RMP64: variants seen among roughly 807,000 people sequenced by gnomAD.
RMP64 encodes nucleolus and neural progenitor protein.
the RMP64 span, chr3:113,012,872 A>C: frequency 5.2e-6 from 5 of 965,304 alleles, no homozygotes; most frequent in South Asian, 3.9e-5. Flanking sequence ...GTAAGTTACA[A>C]TCATGAATGA....
At chr3:113,011,817 A>G in the RMP64 span, among the ~76,000 whole-genome samples, 1 of 152,220 alleles carries the variant, frequency 6.6e-6, no homozygotes, top group African/African-American at 2.4e-5. Flanking sequence ...ATTACAGAAG[A>G]GAGTATCAAA....
the RMP64 span, among the ~76,000 whole-genome samples, chr3:113,015,724 T>C: frequency 6.6e-6 from 1 of 152,242 alleles, no homozygotes; most frequent in South Asian, 2.1e-4. Flanking sequence ...GCTGCAGCAG[T>C]AACATAAGCA....
chr3:113,018,459 A>C, the RMP64 span, among the ~76,000 whole-genome samples: 4 of 152,330 alleles, frequency 2.6e-5, no homozygotes, highest in South Asian at 8.3e-4. Context: ...ATAATCTGTA[A>C]AGTGTGTAGG....
the RMP64 span, chr3:113,008,504 T>C: frequency 1.6e-6 from 2 of 1,271,514 alleles, no homozygotes; most frequent in Non-Finnish European, 2.2e-6. Flanking sequence ...CAAGGAAAGC[T>C]AGCTCACAAT....
the RMP64 span, among the ~76,000 whole-genome samples, chr3:113,016,352 A>C: frequency 6.6e-6 from 1 of 152,206 alleles, no homozygotes; most frequent in Non-Finnish European, 1.5e-5. Flanking sequence ...ACAAGGTCTA[A>C]GAAAGGAAAA....
the RMP64 span, among the ~76,000 whole-genome samples, chr3:113,016,838 T>G: frequency 6.6e-6 from 1 of 152,210 alleles, no homozygotes; most frequent in Non-Finnish European, 1.5e-5. Context: ...CAGAAAATAC[T>G]TGCAGAATTA....
the RMP64 span, chr3:113,019,504 G>T: frequency 6.5e-7 from 1 of 1,537,576 alleles, no homozygotes; most frequent in Non-Finnish European, 9.0e-7. Context: ...GGCCTCCCCC[G>T]GAAACGTTCC....
At chr3:113,014,033 C>G in the RMP64 span, 3 of 1,603,778 alleles carry the variant, frequency 1.9e-6, no homozygotes, top group South Asian at 3.3e-5. Context: ...ATTGCTCAAC[C>G]TGAAAGAAGA....
chr3:113,010,398 G>A, the RMP64 span: 17 of 482,068 alleles, frequency 3.5e-5, no homozygotes, highest in African/African-American at 1.6e-4. Context: ...CAGATCTTAC[G>A]GTTACTTTAA....
chr3:113,016,224 A>G, the RMP64 span, among the ~76,000 whole-genome samples: 1 of 152,214 alleles, frequency 6.6e-6, no homozygotes, highest in Non-Finnish European at 1.5e-5. Flanking sequence ...GAGAACGACT[A>G]AAAATCAAAG....
At chr3:113,003,516 C>T in the RMP64 span, 4 of 152,050 alleles carry the variant, frequency 2.6e-5, no homozygotes, top group Non-Finnish European at 5.9e-5. Context: ...TATAAACATA[C>T]AAATTGTCAT....
chr3:113,013,528 T>C, the RMP64 span: 1 of 848,992 alleles, frequency 1.2e-6, no homozygotes, highest in South Asian at 1.9e-5. Context: ...AACAAAGAGA[T>C]GCATAGGGCA....
At chr3:113,014,369 T>C in the RMP64 span, 651 of 193,762 alleles carry the variant, frequency 3.4e-3, 7 homozygotes, top group African/African-American at 0.015. Flanking sequence ...TTTTTTTTTT[T>C]TTTTCAGATG....
At chr3:113,012,828 AG>A in the RMP64 span, 1 of 1,487,244 alleles carries the variant, frequency 6.7e-7, no homozygotes, top group South Asian at 1.1e-5. Context: ...AATCAATTTA[AG>A]GTAGAAAACA....
chr3:113,008,096 A>C, the RMP64 span: 1 of 1,401,144 alleles, frequency 7.1e-7, no homozygotes, highest in Non-Finnish European at 9.9e-7. Flanking sequence ...CATTTTAAAG[A>C]AAAGTGACCT....
the RMP64 span, chr3:113,008,947 C>T: frequency 6.5e-6 from 1 of 153,242 alleles, no homozygotes; most frequent in Non-Finnish European, 1.5e-5. Context: ...GGCCCCTCTT[C>T]GCTACACCAC....
the RMP64 span, chr3:113,010,933 G>T: frequency 8.0e-6 from 8 of 1,001,816 alleles, no homozygotes; most frequent in Non-Finnish European, 1.2e-5. Context: ...TCAAAATTAA[G>T]ATGTGAGATG....
the RMP64 span, chr3:113,011,044 C>A: frequency 3.2e-6 from 5 of 1,578,976 alleles, no homozygotes; most frequent in Non-Finnish European, 4.3e-6. Flanking sequence ...AAGCAAATTA[C>A]CTTTGAAGAC....
chr3:113,010,673 G>A, the RMP64 span: 1 of 1,613,654 alleles, frequency 6.2e-7, no homozygotes. Flanking sequence ...GCTGGTTGCA[G>A]AAAGCCCTCA....
Sources: allele counts gnomAD v4.1 joint callset (sites outside exome capture counted in the v4.1 genomes callset), GRCh38; gene constraint gnomAD v4.1.1; transcripts MANE v1.5; gene names NCBI Gene and HGNC (gene_info 2026-07-23, HGNC 2026-07-21).